SMYD3: variants seen among roughly 807,000 people sequenced by gnomAD.
SMYD3 encodes the protein SET and MYND domain containing 3, also known as histone-lysine N-methyltransferase SMYD3.
A neutral mutation model predicts 57.7 loss-of-function variants in SMYD3; 36 were observed. The observed-to-expected ratio is 0.62, with a 90% CI of 0.48 to 0.82. The LOEUF is 0.82. SMYD3 is among the 40% of genes least tolerant of loss of function. The probability of loss-of-function intolerance (pLI) is 0.00; values close to 1 mark genes in which losing one functional copy is unlikely to be tolerated. For missense variants in SMYD3, 515 were observed against 538.8 expected (o/e 0.96, Z 0.44); for synonymous variants, 211 against 195.0 (o/e 1.08, Z -0.68).
At chr1:246,248,058 GAA>G in intron 5 of SMYD3, among the ~76,000 whole-genome samples, 1 of 152,280 alleles carries the variant, frequency 6.6e-6, no homozygotes, top group Non-Finnish European at 1.5e-5. Flanking sequence ...GGTCTCAACT[GAA>G]ATAGTTAACA....
In SMYD3 at chr1:246,169,270, G is replaced by T. The variant is rs534696882; in HGVS notation, c.531+157931C>A. On this transcript the variant is annotated intron_variant, in intron 5 of 11. Transcript: ENST00000490107. ...CACACTGCAACGAATAGATAGGATG[G>T]AAGAGGTAGTCAGAAATTAGTAAGC... 3.3e-5 allele frequency among the ~76,000 whole-genome samples: 5 copies of T among 151,256 alleles called. No individual in the cohort carries two copies. The East Asian group carries it at 9.9e-4, about 30-fold the overall frequency.
At chr1:246,269,884 T>C (rs1451903381) in intron 5 of SMYD3, among the ~76,000 whole-genome samples, 2 of 152,192 alleles carry the variant, frequency 1.3e-5, no homozygotes, top group African/African-American at 2.4e-5. Context: ...TCAAGTATTA[T>C]TCCTGAGTGA....
chr1:246,151,864 T>A (rs924115237), intron 5 of SMYD3, among the ~76,000 whole-genome samples: 2 of 152,188 alleles, frequency 1.3e-5, no homozygotes, highest in Non-Finnish European at 2.9e-5. Flanking sequence ...GGAGCCGAGA[T>A]CTTCTGGAGA....
At chr1:245,801,726 A>T (rs201539137) in intron 10 of SMYD3, among the ~76,000 whole-genome samples, 1 of 232 alleles carries the variant, frequency 4.3e-3, no homozygotes, top group Non-Finnish European at 0.012. Flanking sequence ...GGATTTGTTA[A>T]AAAAAAAAAA....
At chr1:245,906,389 T>C (rs1006881231) in intron 8 of SMYD3, among the ~76,000 whole-genome samples, 1 of 152,140 alleles carries the variant, frequency 6.6e-6, no homozygotes, top group Non-Finnish European at 1.5e-5. Context: ...TACAGACATA[T>C]GAAAAGGTGT....
intron 5 of SMYD3, among the ~76,000 whole-genome samples, chr1:246,090,181 A>G (rs2060796684): frequency 6.6e-6 from 1 of 152,234 alleles, no homozygotes; most frequent in East Asian, 1.9e-4. Context: ...ACTAGAGTAC[A>G]AAAGAAAAGA....
At chr1:245,857,329 C>T (rs1401846199) in intron 10 of SMYD3, among the ~76,000 whole-genome samples, 3 of 152,186 alleles carry the variant, frequency 2.0e-5, no homozygotes, top group Admixed American at 2.0e-4. Context: ...GGCTTCCTGA[C>T]CAAACACCTC....
intron 5 of SMYD3, chr1:245,988,444 G>C (rs557105473): frequency 6.6e-6 from 1 of 152,120 alleles, no homozygotes; most frequent in African/African-American, 2.4e-5. Flanking sequence ...TCAAAGAACC[G>C]TGGCTGATGT....
At chr1:246,444,795 G>C (rs1258415280) in intron 1 of SMYD3, among the ~76,000 whole-genome samples, 1 of 152,140 alleles carries the variant, frequency 6.6e-6, no homozygotes, top group Non-Finnish European at 1.5e-5. Flanking sequence ...TTGGAAGCCA[G>C]GCACACAAAA....
At chr1:245,799,142 T>C (rs2047732912) in intron 10 of SMYD3, among the ~76,000 whole-genome samples, 1 of 152,184 alleles carries the variant, frequency 6.6e-6, no homozygotes, top group Non-Finnish European at 1.5e-5. Flanking sequence ...GACAGCTCCT[T>C]ATTCCTATTA....
rs1558354035 is a variant in SMYD3 at position 246,255,983 on chromosome 1, T to TAGATAGACAGACAGAC, written c.531+71217_531+71218insGTCTGTCTGTCTATCT. Among the ~76,000 whole-genome samples, 3 of 138,024 alleles carry TAGATAGACAGACAGAC rather than the reference T, an allele frequency of 2.2e-5. 1 individual carries two copies. The highest frequency in any genetic ancestry group is 5.1e-4 in the East Asian group (2 of 3,886). 90.5% of individuals were successfully genotyped at this position (138,024 alleles called of 152,430 possible). Reference sequence around the variant, plus strand: ...ATAGATAGATAGATAGATAGATAGATAGATACACACACACATACATACATA... The same window carrying TAGATAGACAGACAGAC: ...ATAGATAGATAGATAGATAGATAGATAGATAGACAGACAGACAGATACACACACACATACATACATA... On this transcript the variant is annotated intron_variant, in intron 5 of 11. Transcript: ENST00000490107.
intron 1 of SMYD3, among the ~76,000 whole-genome samples, chr1:246,464,996 C>A (rs2067860860): frequency 6.6e-6 from 1 of 152,190 alleles, no homozygotes; most frequent in Admixed American, 6.5e-5. Flanking sequence ...TAATTGATCA[C>A]AACCAGCTAT....
At chr1:246,407,249 T>C (rs748024820) in intron 1 of SMYD3, among the ~76,000 whole-genome samples, 1 of 152,244 alleles carries the variant, frequency 6.6e-6, no homozygotes, top group Non-Finnish European at 1.5e-5. Context: ...ATTCTCATAT[T>C]GTTCTAGTGT....
intron 5 of SMYD3, among the ~76,000 whole-genome samples, chr1:246,237,570 C>T (rs1313391065): frequency 6.6e-6 from 1 of 152,112 alleles, no homozygotes; most frequent in Non-Finnish European, 1.5e-5. Flanking sequence ...ACTCCCTCCC[C>T]GTTTCTGGGC....
intron 11 of SMYD3, among the ~76,000 whole-genome samples, chr1:245,762,275 G>C (rs935519589): frequency 6.6e-6 from 1 of 152,166 alleles, no homozygotes; most frequent in African/African-American, 2.4e-5. Context: ...CTGTCATGGG[G>C]ACTGAGTATG....
chr1:245,937,791 C>T (rs914407949), intron 5 of SMYD3, among the ~76,000 whole-genome samples: 2 of 152,200 alleles, frequency 1.3e-5, no homozygotes, highest in Non-Finnish European at 2.9e-5. Flanking sequence ...TTCTATGATA[C>T]TCTAGTTTCA....
intron 10 of SMYD3, among the ~76,000 whole-genome samples, chr1:245,786,930 T>C (rs1197709506): frequency 1.3e-5 from 2 of 152,196 alleles, no homozygotes; most frequent in East Asian, 3.9e-4. Context: ...TGAAATTACA[T>C]TGTCTTCAAA....
intron 5 of SMYD3, among the ~76,000 whole-genome samples, chr1:246,300,038 AC>A (rs1261882321): frequency 1.3e-5 from 2 of 151,984 alleles, no homozygotes; most frequent in African/African-American, 4.8e-5. Flanking sequence ...AAAAAAGTTA[AC>A]AAAGTTTAAC....
At chr1:245,873,834 G>C (rs962441192) in intron 8 of SMYD3, among the ~76,000 whole-genome samples, 2 of 152,168 alleles carry the variant, frequency 1.3e-5, no homozygotes, top group South Asian at 4.1e-4. Flanking sequence ...GCAGCACTAC[G>C]GAAGTGGAAC....
Sources: allele counts gnomAD v4.1 joint callset (sites outside exome capture counted in the v4.1 genomes callset), GRCh38; gene constraint gnomAD v4.1.1; transcripts MANE v1.5; gene names NCBI Gene and HGNC (gene_info 2026-07-23, HGNC 2026-07-21).